Variants in FAF1 observed in about 807,000 individuals in gnomAD.
FAF1 encodes FAS-associated factor 1.
FAF1 carries 25 observed loss-of-function variants against 92.5 expected under a neutral mutation model. The observed-to-expected ratio is 0.27, with a 90% confidence interval of 0.20 to 0.38. The LOEUF (loss-of-function observed/expected upper bound fraction) is 0.38. FAF1 is among the 10% of genes least tolerant of loss of function. The pLI is 1.00. For missense variants in FAF1, 636 were observed against 793.3 expected (o/e 0.80, Z 2.38); for synonymous variants, 234 against 273.2 (o/e 0.86, Z 1.42).
intron 18 of FAF1, among the ~76,000 whole-genome samples, chr1:50,458,573 C>T (rs1445340511): frequency 2.6e-5 from 4 of 152,222 alleles, no homozygotes; most frequent in Non-Finnish European, 4.4e-5. Context: ...CGCAGCTCAT[C>T]TGAAATGGCT....
intron 8 of FAF1, among the ~76,000 whole-genome samples, chr1:50,632,265 T>C (rs772758956): frequency 6.6e-6 from 1 of 152,338 alleles, no homozygotes. Flanking sequence ...ATTACAAATA[T>C]TTGAATTTTA....
At chr1:50,951,499 G>A (rs1645213979) in intron 1 of FAF1, among the ~76,000 whole-genome samples, 1 of 152,216 alleles carries the variant, frequency 6.6e-6, no homozygotes, top group Admixed American at 6.5e-5. Context: ...CTGAGGCAGA[G>A]GGGTGTGAGG....
chr1:50,920,413 TG>T (rs774015298), intron 1 of FAF1, among the ~76,000 whole-genome samples: 47 of 152,116 alleles, frequency 3.1e-4, no homozygotes, highest in Non-Finnish European at 5.9e-4. Context: ...CTACTGCAGA[TG>T]ACAGACATTG....
At chr1:50,472,368 TACACACACAC>T (rs71850142) in intron 18 of FAF1, among the ~76,000 whole-genome samples, 3,683 of 123,898 alleles carry the variant, frequency 0.03, 61 homozygotes, top group African/African-American at 0.035. Context: ...GGGGAAAACA[TACACACACAC>T]ACACACACAC....
chr1:50,577,219 C>T (rs751743799), intron 12 of FAF1, among the ~76,000 whole-genome samples: 3 of 152,164 alleles, frequency 2.0e-5, no homozygotes, highest in African/African-American at 7.2e-5. Flanking sequence ...GTCAGAGGTA[C>T]GTCCTCTAGA....
At chr1:50,827,033 G>A (rs892696452) in intron 2 of FAF1, among the ~76,000 whole-genome samples, 1 of 151,200 alleles carries the variant, frequency 6.6e-6, no homozygotes, top group African/African-American at 2.4e-5. Context: ...GCCCCGTCTG[G>A]GAGGTGAGGA....
At chr1:50,622,932 A>G (rs956919190) in intron 8 of FAF1, among the ~76,000 whole-genome samples, 1 of 152,116 alleles carries the variant, frequency 6.6e-6, no homozygotes, top group Non-Finnish European at 1.5e-5. Flanking sequence ...TTATTCCTCA[A>G]ATCTTCCTCT....
intron 1 of FAF1, among the ~76,000 whole-genome samples, chr1:50,923,699 G>A (rs1413125552): frequency 1.3e-5 from 2 of 152,148 alleles, no homozygotes; most frequent in Admixed American, 1.3e-4. Context: ...CCAGCAAACT[G>A]AAATCAATGG....
chr1:50,554,384 T>TAGAGAGAGAG (rs1470102231), intron 13 of FAF1, among the ~76,000 whole-genome samples: 32 of 97,944 alleles, frequency 3.3e-4, no homozygotes, highest in African/African-American at 7.8e-4. Flanking sequence ...TATATATATA[T>TAGAGAGAGAG]ATATATAGAG....
At chr1:50,448,930 G>T (rs909253049) in intron 18 of FAF1, among the ~76,000 whole-genome samples, 3 of 143,340 alleles carry the variant, frequency 2.1e-5, no homozygotes, top group African/African-American at 7.9e-5. Flanking sequence ...TGATACGAGG[G>T]TCACAGCTTT....
intron 7 of FAF1, among the ~76,000 whole-genome samples, chr1:50,668,923 T>C (rs1473059918): frequency 6.6e-6 from 1 of 152,156 alleles, no homozygotes; most frequent in Middle Eastern, 3.2e-3. Flanking sequence ...AAATTACTCC[T>C]ATTTATCCAT....
intron 6 of FAF1, among the ~76,000 whole-genome samples, chr1:50,726,506 C>T (rs1658663375): frequency 6.6e-6 from 1 of 152,016 alleles, no homozygotes; most frequent in South Asian, 2.1e-4. Context: ...ACCATCCTGG[C>T]TAACACGGTG....
chr1:50,678,865 T>C (rs1656281658), intron 7 of FAF1, among the ~76,000 whole-genome samples: 1 of 142,400 alleles, frequency 7.0e-6, no homozygotes, highest in Non-Finnish European at 1.5e-5. Context: ...GGCAGGCGGA[T>C]CACGAGGTCA....
chr1:50,641,087 C>A (rs1410502366), intron 8 of FAF1, among the ~76,000 whole-genome samples: 1 of 152,086 alleles, frequency 6.6e-6, no homozygotes, highest in Admixed American at 6.5e-5. Context: ...CTGCCTCAGC[C>A]TCCTAAAGTG....
chr1:50,462,424 C>A (rs781661889), intron 18 of FAF1: 3 of 152,110 alleles, frequency 2.0e-5, no homozygotes. Context: ...GTCTACAATG[C>A]CTATGAAATG....
chr1:50,898,601 T>C (rs1423497689), intron 1 of FAF1, among the ~76,000 whole-genome samples: 1 of 152,190 alleles, frequency 6.6e-6, no homozygotes, highest in Non-Finnish European at 1.5e-5. Flanking sequence ...ATTTCTGTAA[T>C]GTTTCCTATA....
intron 6 of FAF1, among the ~76,000 whole-genome samples, chr1:50,730,833 G>C (rs137886504): frequency 6.6e-6 from 1 of 152,266 alleles, no homozygotes; most frequent in East Asian, 1.9e-4. Flanking sequence ...TATATTGCTA[G>C]TTGCTACACG....
At chr1:50,896,024 CA>C (rs1428842005) in intron 1 of FAF1, among the ~76,000 whole-genome samples, 1 of 152,112 alleles carries the variant, frequency 6.6e-6, no homozygotes, top group Non-Finnish European at 1.5e-5. Context: ...CTATTCGACA[CA>C]GTACTGGAAG....
At chr1:50,693,602 G>A (rs893548085) in intron 7 of FAF1, among the ~76,000 whole-genome samples, 3 of 151,828 alleles carry the variant, frequency 2.0e-5, no homozygotes, top group Admixed American at 6.6e-5. Flanking sequence ...TAAGGTAAAA[G>A]TCTACTTTAA....
Sources: allele counts gnomAD v4.1 joint callset (sites outside exome capture counted in the v4.1 genomes callset), GRCh38; gene constraint gnomAD v4.1.1; transcripts MANE v1.5; gene names NCBI Gene and HGNC (gene_info 2026-07-23, HGNC 2026-07-21).